Variants in PNPLA8 observed in about 807,000 individuals in gnomAD.
PNPLA8 encodes patatin like domain 8, phospholipase A2, also known as calcium-independent phospholipase A2-gamma.
A neutral mutation model predicts 76.9 loss-of-function variants in PNPLA8; 39 were observed. The observed-to-expected ratio is 0.51, with a 90% CI of 0.39 to 0.66. The LOEUF (loss-of-function observed/expected upper bound fraction) is 0.66, where lower values mean the gene tolerates loss of function less well. Among genes scored for constraint, PNPLA8 ranks in the 30% least tolerant of loss-of-function variants. The pLI, the probability that PNPLA8 is intolerant of heterozygous loss-of-function variation, is 0.00. For missense variants in PNPLA8, 887 were observed against 918.0 expected (o/e 0.97, Z 0.44); for synonymous variants, 301 against 307.9 (o/e 0.98, Z 0.24).
chr7:108,507,027 G>C (rs1047624186), intron 4 of PNPLA8, among the ~76,000 whole-genome samples: 18 of 152,004 alleles, frequency 1.2e-4, no homozygotes, highest in African/African-American at 4.1e-4. Flanking sequence ...AAAAGAGAAG[G>C]GGAGAAAATA....
intron 2 of PNPLA8, among the ~76,000 whole-genome samples, chr7:108,519,546 A>G (rs779268192): frequency 6.6e-6 from 1 of 152,238 alleles, no homozygotes; most frequent in Non-Finnish European, 1.5e-5. Flanking sequence ...TGTCCAGAAG[A>G]TAACAGCCTG....
At chr7:108,484,882 TA>T (rs1030234998) in intron 9 of PNPLA8, among the ~76,000 whole-genome samples, 9 of 152,194 alleles carry the variant, frequency 5.9e-5, no homozygotes, top group African/African-American at 2.2e-4. Context: ...TAACACTGAG[TA>T]AGCACTCACT....
rs536673771 is a variant in PNPLA8, at chr7:108,502,358, G to A, written c.1358+133C>T. 78 of 675,286 alleles carry A rather than the reference G, an allele frequency of 1.2e-4. No individual in the cohort carries two copies. The African/African-American group carries it at 1.4e-3, about 12-fold the overall frequency. 41.8% of individuals were successfully genotyped at this position (675,286 alleles called of 1,614,324 possible). A position where few individuals can be genotyped will look rare whatever the true frequency, so the allele number is the denominator to read the frequency against. Reference sequence around the variant, plus strand: ...CTTGAGAGGGTGAGGCAGGAGAATCGCTTGAACCTGGGAGGCAGAGGTTGC... The same window carrying A: ...CTTGAGAGGGTGAGGCAGGAGAATCACTTGAACCTGGGAGGCAGAGGTTGC... On this transcript the variant is annotated intron_variant, in intron 5 of 10. Transcript: ENST00000257694.
chr7:108,514,446 T>C lies in PNPLA8; in HGVS notation c.1046A>G (p.Gln349Arg). 2.5e-6 allele frequency: 4 copies of C among 1,604,982 alleles called. No homozygotes were observed. Among genetic ancestry groups the C allele is most frequent in the Non-Finnish European group, 3.4e-6 (4 of 1,176,166 alleles). ...CACTGAACAACTTGCCTTTTCTCGC[T>C]GAAGAGATAAACGCTTTTTCTCCTC... ...NAEEKKRLSL[Q>R]REKIIARVSI... Residue 349 changes from glutamine (Q) to arginine (R), a missense_variant, in exon 3 of 11, where the codon CAG becomes CGG. Gln to Arg is a conservative substitution (Grantham distance 43). Transcript: ENST00000257694.
chr7:108,497,651 A>G, intron 5 of PNPLA8, 74 bp from the exon 6 acceptor site: 1 of 740,420 alleles, frequency 1.4e-6, no homozygotes, highest in Non-Finnish European at 2.1e-6. Context: ...GAATAAAACA[A>G]TCTAATAATT....
At chr7:108,527,067 A>G (rs1200355639), upstream of PNPLA8, among the ~76,000 whole-genome samples, 2 of 152,208 alleles carry the variant, frequency 1.3e-5, no homozygotes, top group Non-Finnish European at 2.9e-5. Flanking sequence ...TGACCTTGCA[A>G]TTACGTTGAG....
At chr7:108,510,753 T>C (rs541373961) in intron 4 of PNPLA8, 20 of 1,601,668 alleles carry the variant, frequency 1.2e-5, no homozygotes, top group Non-Finnish European at 1.6e-5. Flanking sequence ...AACGCTTTGA[T>C]TGCTCGATCT....
intron 4 of PNPLA8, among the ~76,000 whole-genome samples, chr7:108,513,031 G>GGACTCTCACCA (rs1166005551): frequency 6.6e-6 from 1 of 152,054 alleles, no homozygotes; most frequent in East Asian, 1.9e-4. Context: ...AGGAGGAACG[G>GGACTCTCACCA]GACTCTCACC....
At chr7:108,505,333 T>C (rs1240462804) in intron 4 of PNPLA8, among the ~76,000 whole-genome samples, 1 of 9,886 alleles carries the variant, frequency 1.0e-4, no homozygotes, top group Non-Finnish European at 1.7e-4. Context: ...TATATATATA[T>C]ATATATATAT....
intron 1 of PNPLA8, among the ~76,000 whole-genome samples, chr7:108,525,299 A>T (rs80164928): frequency 2.4e-4 from 36 of 152,364 alleles, no homozygotes; most frequent in African/African-American, 7.7e-4. Context: ...ACTCTCAGAA[A>T]TTAGGACTGC....
At chr7:108,526,179 C>T, upstream of PNPLA8, 1 of 779,186 alleles carries the variant, frequency 1.3e-6, no homozygotes, top group Non-Finnish European at 1.6e-6. Context: ...CGCCCCGCTC[C>T]GCCCCCAGCG....
At chr7:108,510,786 G>A (rs1157296053) in intron 4 of PNPLA8, 2 of 1,601,356 alleles carry the variant, frequency 1.2e-6, no homozygotes, top group East Asian at 2.2e-5. Flanking sequence ...GGCATCATCT[G>A]CATGGAGGAT....
chr7:108,492,537 GCTTTTAGTGAATTCA>G (rs145557624), intron 7 of PNPLA8, among the ~76,000 whole-genome samples: 27,646 of 151,716 alleles, frequency 0.18, 2,759 homozygotes, highest in East Asian at 0.35. Flanking sequence ...AACCTAAAAT[GCTTTTAGTGAATTCA>G]CTTATGAATA....
intron 4 of PNPLA8, chr7:108,510,577 A>G: frequency 1.3e-6 from 2 of 1,499,228 alleles, no homozygotes; most frequent in Non-Finnish European, 1.8e-6. Context: ...GCCTTCGTCA[A>G]ATCTACAATG....
intron 1 of PNPLA8, 102 bp downstream of exon 1, chr7:108,525,927 G>A (rs1231466709): frequency 7.3e-6 from 3 of 408,338 alleles, no homozygotes; most frequent in African/African-American, 2.2e-5. Flanking sequence ...CTCGGGAAGT[G>A]CCCTCCAAAG....
At chr7:108,512,156 T>A (rs1214341287) in intron 4 of PNPLA8, among the ~76,000 whole-genome samples, 4 of 152,212 alleles carry the variant, frequency 2.6e-5, no homozygotes, top group Admixed American at 6.5e-5. Flanking sequence ...AACCCACAGT[T>A]AACTTTGCAT....
At chr7:108,491,907 T>A (rs890140613) in intron 7 of PNPLA8, among the ~76,000 whole-genome samples, 2 of 152,182 alleles carry the variant, frequency 1.3e-5, no homozygotes, top group African/African-American at 4.8e-5. Context: ...ACGGGCTAGT[T>A]AGAGTAACCA....
At chr7:108,484,391 T>G (rs572525823) in intron 9 of PNPLA8, among the ~76,000 whole-genome samples, 44 of 152,078 alleles carry the variant, frequency 2.9e-4, no homozygotes, top group Admixed American at 1.8e-3. Context: ...CCTGTTAATA[T>G]TTTTTCTTTT....
intron 9 of PNPLA8, chr7:108,479,623 G>A: frequency 1.9e-6 from 1 of 528,534 alleles, no homozygotes; most frequent in Non-Finnish European, 3.4e-6. Context: ...TGCATATTTT[G>A]CTAAAAAATA....
Sources: gnomAD v4.1 joint callset for allele counts (sites outside exome capture counted in the v4.1 genomes callset) on GRCh38, gnomAD v4.1.1 for gene constraint, MANE v1.5 for transcripts, NCBI Gene and HGNC (gene_info 2026-07-23, HGNC 2026-07-21) for gene names.